Variants in ACVR2B observed in about 807,000 individuals in gnomAD.
ACVR2B encodes activin A receptor type 2B.
In ACVR2B, 18 loss-of-function variants were observed where a neutral mutation model predicts 65.1. That is an observed-to-expected ratio of 0.28 (90% CI 0.19 to 0.41). The LOEUF is 0.41. Among genes scored for constraint, ACVR2B ranks in the 10% least tolerant of loss-of-function variants. ACVR2B has a pLI of 1.00. For missense variants in ACVR2B, 482 were observed against 682.7 expected, an observed-to-expected ratio of 0.71 and a Z score of 3.28; for synonymous variants, 298 against 277.7, an observed-to-expected ratio of 1.07 and a Z score of -0.73.
rs199622012 is a variant in ACVR2B, at chr3:38,478,180, C to T, written c.410C>T (p.Thr137Met). ...EPPPTAPTLL[T>M]VLAYSLLPIG... ...CCCCCGACAGCCCCCACCCTGCTCA[C>T]GGTGCTGGCCTACTCACTGCTGCCC... The change falls in exon 4 of 11, where the codon ACG becomes ATG. Residue 137 changes from threonine to methionine, a missense_variant. Physicochemically the swap from Thr to Met is moderately conservative, Grantham distance 81 (BLOSUM62 -1). Around this residue, in one of 5 missense-constraint regions of ACVR2B, gnomAD observed 95 missense variants for 91.6 expected, o/e 1.04. Transcript: ENST00000352511. The T allele has an allele frequency of 1.0e-4, 167 of 1,613,278 alleles. No homozygotes were observed. Among genetic ancestry groups the T allele is most frequent in the Non-Finnish European group, 1.3e-4 (155 of 1,179,936 alleles).
At chr3:38,456,513 T>A (rs1294324805) in intron 1 of ACVR2B, among the ~76,000 whole-genome samples, 1 of 152,228 alleles carries the variant, frequency 6.6e-6, no homozygotes, top group African/African-American at 2.4e-5. Flanking sequence ...AACAGCTGTG[T>A]CTTAGCTGGG....
Position 38,487,982 on chromosome 3 carries a change from A to C in ACVR2B, c.*4650A>C, listed in dbSNP as rs886058411. 1 of 152,172 alleles carries C rather than the reference A, an allele frequency of 6.6e-6. No homozygotes were observed. The highest frequency in any genetic ancestry group is 1.5e-5 in the Non-Finnish European group (1 of 68,042). The allele number at this position is 152,172 out of a possible 1,614,324, so 9.4% of individuals were successfully genotyped here. A position where few individuals can be genotyped will look rare whatever the true frequency, so the allele number is the denominator to read the frequency against. Reference sequence around the variant, plus strand: ...TCCCATTTCAGGGGCATCAGACCATACCTTTTTAAGAAGCTCCGTGAATCT... The same window carrying C: ...TCCCATTTCAGGGGCATCAGACCATCCCTTTTTAAGAAGCTCCGTGAATCT... On this transcript the variant is annotated 3_prime_UTR_variant, in exon 11 of 11. Transcript: ENST00000352511.
Position 38,493,125 on chromosome 3 carries a change from A to C in ACVR2B, c.*9793A>C, listed in dbSNP as rs1218237774. 6.5e-6 allele frequency: 1 copy of C among 152,692 alleles called. No individual in the cohort carries two copies. Among genetic ancestry groups the C allele is most frequent in the Non-Finnish European group, 1.5e-5 (1 of 68,046 alleles). The allele number at this position is 152,692 out of a possible 1,614,324, so 9.5% of individuals were successfully genotyped here. A position where few individuals can be genotyped will look rare whatever the true frequency, so the allele number is the denominator to read the frequency against. On this transcript the variant is annotated 3_prime_UTR_variant, in exon 11 of 11. Transcript: ENST00000352511. Reference sequence around the variant, plus strand: ...GTTTTATCTTTTTGTATATGAAAATAAAATAATAATAAAACAATCTTGTCT... The same window carrying C: ...GTTTTATCTTTTTGTATATGAAAATCAAATAATAATAAAACAATCTTGTCT...
At chr3:38,460,780 A>C (rs1709633131) in intron 1 of ACVR2B, among the ~76,000 whole-genome samples, 1 of 152,094 alleles carries the variant, frequency 6.6e-6, no homozygotes, top group African/African-American at 2.4e-5. Context: ...TCTGGGCTGG[A>C]GCTGAGGTGT....
In ACVR2B at chr3:38,489,265, T is replaced by C. The variant is rs1368913670; in HGVS notation, c.*5933T>C. 6.6e-6 allele frequency: 1 copy of C among 152,640 alleles called. No individual in the cohort carries two copies. The highest frequency in any genetic ancestry group is 6.5e-5 in the Admixed American group (1 of 15,286). 9.5% of individuals were successfully genotyped at this position (152,640 alleles called of 1,614,324 possible). On this transcript the variant is annotated 3_prime_UTR_variant, in exon 11 of 11. Transcript: ENST00000352511. ...TTAAAAAAATCGATAGTTCTACATA[T>C]ATATTTAGTTATATCACTTGACAGA... is the stretch of plus-strand genomic sequence containing the variant.
At chr3:38,480,751 C>T (rs1710003899) in intron 7 of ACVR2B, among the ~76,000 whole-genome samples, 1 of 152,188 alleles carries the variant, frequency 6.6e-6, no homozygotes, top group Non-Finnish European at 1.5e-5. Flanking sequence ...AGTAAGTATG[C>T]CAGGTGTGGC....
chr3:38,467,055 C>T (rs1192990380), intron 1 of ACVR2B, among the ~76,000 whole-genome samples: 3 of 152,112 alleles, frequency 2.0e-5, no homozygotes, highest in African/African-American at 7.2e-5. Flanking sequence ...TTACAATGTC[C>T]AGGAAGAGAG....
In ACVR2B at chr3:38,484,290, GAC is replaced by G. The variant is rs1232318146; in HGVS notation, c.*961_*962del. ...CAGGTTAGGAATACATTCTTCATAAGACACGATGCTGTAAATACCCTTAATGG... is the reference window on the plus strand; with the variant it reads ...CAGGTTAGGAATACATTCTTCATAAGACGATGCTGTAAATACCCTTAATGG... On this transcript the variant is annotated 3_prime_UTR_variant, in exon 11 of 11. Transcript: ENST00000352511. The G allele has an allele frequency of 6.6e-6, 1 of 152,220 alleles. No homozygotes were observed. The highest frequency in any genetic ancestry group is 6.5e-5 in the Admixed American group (1 of 15,284). 9.4% of individuals were successfully genotyped at this position (152,220 alleles called of 1,614,324 possible).
Position 38,454,343 on chromosome 3 carries a change from C to T in ACVR2B, c.21C>T (p.Ala7=). 2.3e-6 allele frequency: 3 copies of T among 1,297,466 alleles called. No homozygotes were observed. The highest frequency in any genetic ancestry group is 2.9e-6 in the Non-Finnish European group (3 of 1,023,584). The allele number at this position is 1,297,466 out of a possible 1,614,324, so 80.4% of individuals were successfully genotyped here. The part of the protein sequence containing the change: MTAPWV[A]LALLWGSLCA... ...GGAACATGACGGCGCCCTGGGTGGC[C>T]CTCGCCCTCCTCTGGGGATCGCTGT... The change falls in exon 1 of 11, where the codon GCC becomes GCT. Residue 7 remains alanine, a synonymous_variant. Coordinates refer to ENST00000352511, the MANE Select transcript of ACVR2B (RefSeq NM_001106.4).
At chr3:38,471,451 A>C (rs989063033) in intron 1 of ACVR2B, among the ~76,000 whole-genome samples, 10 of 104,206 alleles carry the variant, frequency 9.6e-5, no homozygotes, top group African/African-American at 2.9e-4. Context: ...GTATTTAGTC[A>C]GTTGATCTTT....
intron 1 of ACVR2B, among the ~76,000 whole-genome samples, chr3:38,455,163 G>A (rs1559643439): frequency 6.6e-6 from 1 of 152,180 alleles, no homozygotes; most frequent in African/African-American, 2.4e-5. Context: ...GGGGGTATGT[G>A]GGCGCGGGCG....
In ACVR2B at chr3:38,477,299, G is replaced by A; in HGVS notation, c.65G>A (p.Gly22Glu). 1 of 1,614,088 alleles carries A rather than the reference G, an allele frequency of 6.2e-7. No homozygotes were observed. Among genetic ancestry groups the A allele is most frequent in the Middle Eastern group, 1.7e-4 (1 of 6,054 alleles). ...CTCTGGGGCACAGGCTCTGGGCGTGGGGAGGCTGAGACACGGGAGTGCATC... is the reference window on the plus strand; with the variant it reads ...CTCTGGGGCACAGGCTCTGGGCGTGAGGAGGCTGAGACACGGGAGTGCATC... Reference protein sequence around the residue: ...WGSLCAGSGRGEAETRECIYY... With the variant: ...WGSLCAGSGREEAETRECIYY... Residue 22 changes from glycine (G) to glutamate (E), a missense_variant, in exon 2 of 11, where the codon GGG becomes GAG. Gly to Glu is a moderately conservative substitution (Grantham distance 98, BLOSUM62 -2). Coordinates refer to ENST00000352511, the MANE Select transcript of ACVR2B (RefSeq NM_001106.4). The surrounding 1 kb of genome is among the most constrained non-coding windows in gnomAD (Gnocchi z 6.7).
At chr3:38,458,231 C>G (rs1448412414) in intron 1 of ACVR2B, among the ~76,000 whole-genome samples, 1 of 152,194 alleles carries the variant, frequency 6.6e-6, no homozygotes, top group Non-Finnish European at 1.5e-5. Flanking sequence ...CTAAGGAACT[C>G]CTGTTATAAG....
chr3:38,474,808 G>C (rs1709878554), intron 1 of ACVR2B: 1 of 152,322 alleles, frequency 6.6e-6, no homozygotes, highest in South Asian at 2.1e-4. Flanking sequence ...GAGTTTGCCT[G>C]GTCTCAGGGG....
intron 1 of ACVR2B, among the ~76,000 whole-genome samples, chr3:38,471,727 A>C (rs918643505): frequency 5.3e-5 from 8 of 152,202 alleles, no homozygotes; most frequent in African/African-American, 1.9e-4. Flanking sequence ...TGATTTTGAC[A>C]CTTAATAAGT....
intron 1 of ACVR2B, among the ~76,000 whole-genome samples, chr3:38,461,407 C>T (rs1173598199): frequency 2.6e-5 from 4 of 152,200 alleles, no homozygotes; most frequent in African/African-American, 9.7e-5. Context: ...GTAGTGAGGG[C>T]ATAGTGAATC....
rs1181570242 is a variant in ACVR2B, at chr3:38,489,141, T to C, written c.*5809T>C. The C allele has an allele frequency of 6.6e-6, 1 of 152,646 alleles. No individual in the cohort carries two copies. 9.5% of individuals were successfully genotyped at this position (152,646 alleles called of 1,614,324 possible). ...ACTTCTCTGTTGGTTGAGTGTGGGCTCATTCCCTGACTCTCCTAATCATGT... is the reference window on the plus strand; with the variant it reads ...ACTTCTCTGTTGGTTGAGTGTGGGCCCATTCCCTGACTCTCCTAATCATGT... On this transcript the variant is annotated 3_prime_UTR_variant, in exon 11 of 11. Transcript: ENST00000352511.
intron 1 of ACVR2B, among the ~76,000 whole-genome samples, chr3:38,469,024 T>G (rs992083934): frequency 6.6e-6 from 1 of 152,146 alleles, no homozygotes; most frequent in Non-Finnish European, 1.5e-5. Flanking sequence ...TGGAAGTGAC[T>G]TGAGGTCACC....
rs1709509798 is a variant in ACVR2B at position 38,454,545 on chromosome 3, C to T, written c.52+171C>T. 7 of 509,090 alleles carry T rather than the reference C, an allele frequency of 1.4e-5. No homozygotes were observed. The East Asian group carries it at 2.7e-4, about 20-fold the overall frequency. 31.5% of individuals were successfully genotyped at this position (509,090 alleles called of 1,614,324 possible). A position where few individuals can be genotyped will look rare whatever the true frequency, so the allele number is the denominator to read the frequency against. ...GGGGGCGCGGTGGGCGCCCGGCTCGCCGAACTTGGGGGCACGATCTTGTCT... is the reference window on the plus strand; with the variant it reads ...GGGGGCGCGGTGGGCGCCCGGCTCGTCGAACTTGGGGGCACGATCTTGTCT... On this transcript the variant is annotated intron_variant, in intron 1 of 10. Transcript: ENST00000352511.
Sources: gnomAD v4.1 joint callset for allele counts (sites outside exome capture counted in the v4.1 genomes callset) on GRCh38, gnomAD v4.1.1 for gene constraint, gnomAD v4.1.1 regional missense constraint, Gnocchi (gnomAD v3.1) non-coding constraint, MANE v1.5 for transcripts, NCBI Gene and HGNC (gene_info 2026-07-23, HGNC 2026-07-21) for gene names.